The following SMIM31 variants were observed in gnomAD, a reference collection of about 807,000 sequenced individuals.
SMIM31 encodes the protein human epithelial cell program regulator.
At chr4:164,789,617 G>A (rs1367874164) in intron 2 of SMIM31, among the ~76,000 whole-genome samples, 1 of 152,126 alleles carries the variant, frequency 6.6e-6, no homozygotes. Flanking sequence ...AAGTGGAAAA[G>A]AGTAAAATTC....
chr4:164,787,392 AAAAAAAG>A (rs1257379437), intron 2 of SMIM31: 5 of 152,240 alleles, frequency 3.3e-5, no homozygotes, highest in East Asian at 1.9e-4. Context: ...GTGTTCAATT[AAAAAAAG>A]AAAAAAGAAA....
At chr4:164,800,829 A>T (rs1733273527) in intron 2 of SMIM31, among the ~76,000 whole-genome samples, 2 of 152,056 alleles carry the variant, frequency 1.3e-5, no homozygotes, top group South Asian at 4.2e-4. Flanking sequence ...GGCAGTTCAC[A>T]CCTTACAAAA....
At chr4:164,788,127 C>T (rs902342040) in intron 2 of SMIM31, among the ~76,000 whole-genome samples, 9 of 152,118 alleles carry the variant, frequency 5.9e-5, no homozygotes, top group Admixed American at 5.2e-4. Flanking sequence ...TAAATATCGT[C>T]AGCAATCCAT....
chr4:164,758,630 G>GTTT lies in SMIM31; in HGVS notation c.-26+4238_-26+4240dup, dbSNP rs1210607914. 9.0e-3 allele frequency among the ~76,000 whole-genome samples: 865 copies of GTTT among 96,604 alleles called. 129 individuals are homozygous for GTTT. The highest frequency in any genetic ancestry group is 0.037 in the Middle Eastern group (5 of 136). 63.4% of individuals were successfully genotyped at this position (96,604 alleles called of 152,430 possible). On this transcript the variant is annotated intron_variant, in intron 1 of 2. Transcript: ENST00000507311. Reference sequence around the variant, plus strand: ...CCATATATGTAGTTTTCCTTTTTTTGTTTTTTTTTTTTTTTTTTTTTGAGA... The same window carrying GTTT: ...CCATATATGTAGTTTTCCTTTTTTTGTTTTTTTTTTTTTTTTTTTTTTTTGAGA...
chr4:164,764,482 G>T lies in SMIM31; in HGVS notation c.-25-5937G>T, dbSNP rs539758674. ...CTCGGGAGGCTGAGGCAGGAGAATT[G>T]CTCGAACCTGGGAGGCGGAGGTTGC... On this transcript the variant is annotated intron_variant, in intron 1 of 2. Coordinates refer to ENST00000507311, the MANE Select transcript of SMIM31 (RefSeq NM_001352885.1). Among the ~76,000 whole-genome samples the T allele has an allele frequency of 3.3e-5, 5 of 151,734 alleles. No individual in the cohort carries two copies. In the South Asian group the frequency reaches 1.0e-3, roughly 32 times the overall value.
chr4:164,799,399 T>C (rs1000995549), intron 2 of SMIM31, among the ~76,000 whole-genome samples: 17 of 151,308 alleles, frequency 1.1e-4, no homozygotes, highest in African/African-American at 4.1e-4. Context: ...AAATAATAAA[T>C]AAATAAATAA....
At chr4:164,761,299 A>G (rs1015520247) in intron 1 of SMIM31, among the ~76,000 whole-genome samples, 9 of 152,134 alleles carry the variant, frequency 5.9e-5, no homozygotes, top group Non-Finnish European at 1.0e-4. Flanking sequence ...AAATAGAACA[A>G]TTTTCTTGAA....
At chr4:164,791,011 C>T (rs543004742) in intron 2 of SMIM31, among the ~76,000 whole-genome samples, 10 of 152,280 alleles carry the variant, frequency 6.6e-5, no homozygotes, top group African/African-American at 2.2e-4. Flanking sequence ...AGCTGAAAAA[C>T]TCCATATAAT....
chr4:164,754,551 A>ATTTTTTTTTT (rs57916805), intron 1 of SMIM31, 140 bp downstream of exon 1: 5 of 55,622 alleles, frequency 9.0e-5, no homozygotes, highest in Non-Finnish European at 9.1e-5. Flanking sequence ...TCCTGGAGGT[A>ATTTTTTTTTT]TTTTTTTTTT....
At chr4:164,799,540 G>C (rs1733256173) in intron 2 of SMIM31, among the ~76,000 whole-genome samples, 1 of 152,134 alleles carries the variant, frequency 6.6e-6, no homozygotes, top group African/African-American at 2.4e-5. Flanking sequence ...AGGAAAAACA[G>C]GAGGAATTCC....
At chr4:164,761,035 C>A (rs1460955492) in intron 1 of SMIM31, among the ~76,000 whole-genome samples, 1 of 152,166 alleles carries the variant, frequency 6.6e-6, no homozygotes, top group Non-Finnish European at 1.5e-5. Flanking sequence ...CATATTTTCT[C>A]AAAGCCAATT....
intron 2 of SMIM31, among the ~76,000 whole-genome samples, chr4:164,776,842 T>C (rs1732885200): frequency 6.6e-6 from 1 of 152,232 alleles, no homozygotes; most frequent in Non-Finnish European, 1.5e-5. Context: ...ACTCATTCTA[T>C]AGCTCTTCCT....
intron 1 of SMIM31, among the ~76,000 whole-genome samples, chr4:164,765,699 G>C (rs1031627111): frequency 6.6e-6 from 1 of 151,338 alleles, no homozygotes; most frequent in Non-Finnish European, 1.5e-5. Context: ...GTAGCCTTTA[G>C]ACTTTTTCCA....
At chr4:164,784,416 C>T (rs752114161) in intron 2 of SMIM31, among the ~76,000 whole-genome samples, 2 of 151,088 alleles carry the variant, frequency 1.3e-5, no homozygotes, top group South Asian at 2.1e-4. Flanking sequence ...TTTTGGATAA[C>T]GTATTTTTCC....
At chr4:164,772,585 A>ATTTTTTTTG (rs1553965349) in intron 2 of SMIM31, among the ~76,000 whole-genome samples, 1 of 142,698 alleles carries the variant, frequency 7.0e-6, no homozygotes, top group Non-Finnish European at 1.5e-5. Context: ...TTTTTATTTT[A>ATTTTTTTTG]TTTTTTTTTT....
chr4:164,768,701 C>T (rs1732754402), intron 1 of SMIM31, among the ~76,000 whole-genome samples: 1 of 152,092 alleles, frequency 6.6e-6, no homozygotes, highest in African/African-American at 2.4e-5. Flanking sequence ...CGACCTATAG[C>T]ACTTAAAAAC....
chr4:164,775,981 C>A (rs1305431955), intron 2 of SMIM31, among the ~76,000 whole-genome samples: 1 of 152,138 alleles, frequency 6.6e-6, no homozygotes, highest in Non-Finnish European at 1.5e-5. Context: ...TGGCAATTCA[C>A]CTAAACTACA....
intron 1 of SMIM31, among the ~76,000 whole-genome samples, chr4:164,762,662 C>CAAAAAAAAAAA (rs1162067333): frequency 9.3e-4 from 93 of 99,866 alleles, no homozygotes; most frequent in Non-Finnish European, 1.5e-3. Flanking sequence ...GACTCTGTCT[C>CAAAAAAAAAAA]AAAAAAAAAA....
intron 1 of SMIM31, among the ~76,000 whole-genome samples, chr4:164,755,645 AT>A (rs1276089370): frequency 6.8e-6 from 1 of 147,918 alleles, no homozygotes; most frequent in Non-Finnish European, 1.5e-5. Context: ...GAGCTGAAGT[AT>A]TATGGGATAT....
Sources: gnomAD v4.1 joint callset for allele counts (sites outside exome capture counted in the v4.1 genomes callset) on GRCh38, gnomAD v4.1.1 for gene constraint, MANE v1.5 for transcripts, NCBI Gene and HGNC (gene_info 2026-07-23, HGNC 2026-07-21) for gene names.